OGDH: variants seen among roughly 807,000 people sequenced by gnomAD.
The protein encoded by OGDH is 2-oxoglutarate dehydrogenase complex component E1.
A neutral mutation model predicts 116.6 loss-of-function variants in OGDH; 38 were observed. The observed-to-expected ratio is 0.33, with a 90% CI of 0.25 to 0.43. OGDH has a LOEUF of 0.43. Ranked by LOEUF, OGDH falls within the 20% of genes least tolerant of loss-of-function variation. The pLI is 1.00. For missense variants in OGDH, 825 were observed against 1,357.2 expected (o/e 0.61, Z 6.16); for synonymous variants, 488 against 533.3 (o/e 0.92, Z 1.17).
rs560138337 is a variant in OGDH at position 44,696,608 on chromosome 7, C to T, written c.1900+51C>T. ...GAAATGTTGGGGCCCAGGCCAGGGG[C>T]GACGACTGTCTAGGACTGTGACCTT... is the stretch of plus-strand genomic sequence containing the variant. On this transcript the variant is annotated intron_variant, in intron 14 of 22. Coordinates refer to ENST00000222673, the MANE Select transcript of OGDH (RefSeq NM_002541.4). The T allele has an allele frequency of 2.2e-4, 353 of 1,608,960 alleles. 2 individuals carry two copies. In the Admixed American group the frequency reaches 5.4e-3, roughly 24 times the overall value.
Position 44,694,015 on chromosome 7 carries a change from CTG to C in OGDH, c.1515+12_1515+13del. ...GTGGTTGTCGATTTGGTGAGTGACT[CTG>C]GGGACAGCACGTCCTGGGCAGAGCA... is the stretch of plus-strand genomic sequence containing the variant. On this transcript the variant is annotated intron_variant, in intron 11 of 22. Transcript: ENST00000222673. The surrounding 1 kb of genome is among the most constrained non-coding windows in gnomAD (Gnocchi z 4.2). 6.2e-7 allele frequency: 1 copy of C among 1,607,254 alleles called. No individual in the cohort carries two copies. The highest frequency in any genetic ancestry group is 8.5e-7 in the Non-Finnish European group (1 of 1,174,848).
intron 10 of OGDH, among the ~76,000 whole-genome samples, chr7:44,689,641 T>G (rs2116310013): frequency 6.6e-6 from 1 of 152,238 alleles, no homozygotes; most frequent in African/African-American, 2.4e-5. Context: ...TGGTTTTAAT[T>G]TGCATTTCCC....
At chr7:44,695,961 C>A in intron 12 of OGDH, 64 bp from the exon 13 acceptor site, 2 of 869,056 alleles carry the variant, frequency 2.3e-6, no homozygotes, top group Non-Finnish European at 3.9e-6. Flanking sequence ...TGTGGGGGTA[C>A]AGGTGGGCGT....
At chr7:44,660,938 G>T (rs541981506) in intron 4 of OGDH, among the ~76,000 whole-genome samples, 1 of 150,394 alleles carries the variant, frequency 6.6e-6, no homozygotes, top group African/African-American at 2.5e-5. Context: ...ACACACGCGC[G>T]TGTGCACACA....
chr7:44,645,257 C>T (rs563497976), intron 2 of OGDH, 70 bp from the exon 3 acceptor site: 319 of 1,423,508 alleles, frequency 2.2e-4, no homozygotes, highest in Non-Finnish European at 3.0e-4. Flanking sequence ...GAGAGCAGTT[C>T]TCTGTGGCCA....
intron 9 of OGDH, 21 bp downstream of exon 9, chr7:44,676,170 T>A (rs756028173): frequency 8.7e-6 from 14 of 1,614,002 alleles, no homozygotes; most frequent in Middle Eastern, 3.3e-4. Flanking sequence ...GAGAGAGGCG[T>A]GCAAGGCAGA....
chr7:44,686,208 G>A (rs1309784223), intron 10 of OGDH, among the ~76,000 whole-genome samples: 1 of 152,030 alleles, frequency 6.6e-6, no homozygotes, highest in Non-Finnish European at 1.5e-5. Flanking sequence ...GGATAAAAAC[G>A]GACATCCTTT....
intron 2 of OGDH, among the ~76,000 whole-genome samples, chr7:44,634,968 T>C (rs189322361): frequency 5.3e-5 from 8 of 152,298 alleles, no homozygotes; most frequent in Middle Eastern, 3.4e-3. Flanking sequence ...GTCACACATA[T>C]GGGTTTTAAA....
chr7:44,684,176 C>T (rs1050972126), intron 10 of OGDH, among the ~76,000 whole-genome samples: 1 of 152,108 alleles, frequency 6.6e-6, no homozygotes, highest in Admixed American at 6.5e-5. Flanking sequence ...CGCAGCTCAT[C>T]GTTAGTGCAA....
intron 4 of OGDH, among the ~76,000 whole-genome samples, chr7:44,665,173 G>A (rs778163743): frequency 6.6e-6 from 1 of 151,832 alleles, no homozygotes. Flanking sequence ...CAAGAGCCAC[G>A]TGCTTCACCT....
chr7:44,707,891 G>C lies in OGDH; in HGVS notation c.2964G>C (p.Arg988=), dbSNP rs1463650943. The change falls in exon 23 of 23, where the codon CGG becomes CGC. Residue 988 remains arginine, a synonymous_variant. Transcript: ENST00000222673. The surrounding 1 kb of genome is among the most constrained non-coding windows in gnomAD (Gnocchi z 5.2). The part of the protein sequence containing the change: ...SRAKPVWYAG[R]DPAAAPATGN... Reference sequence around the variant, plus strand: ...CTCCATCTCTCAGGTATGCCGGCCGGGACCCAGCGGCTGCTCCAGCCACCG... The same window carrying C: ...CTCCATCTCTCAGGTATGCCGGCCGCGACCCAGCGGCTGCTCCAGCCACCG... 6.2e-7 allele frequency: 1 copy of C among 1,613,324 alleles called. No individual in the cohort carries two copies. The highest frequency in any genetic ancestry group is 1.3e-5 in the African/African-American group (1 of 74,894).
chr7:44,702,476 G>T (rs1489510480), intron 20 of OGDH, among the ~76,000 whole-genome samples: 2 of 152,216 alleles, frequency 1.3e-5, no homozygotes, highest in African/African-American at 4.8e-5. Context: ...GGGTCACCAG[G>T]CCAGGAAGCC....
chr7:44,649,405 A>G (rs1196320979), intron 4 of OGDH, among the ~76,000 whole-genome samples: 3 of 151,252 alleles, frequency 2.0e-5, no homozygotes, highest in Non-Finnish European at 1.5e-5. Context: ...GCGCACCACC[A>G]CACCCAGCTA....
chr7:44,687,397 C>CA (rs1048742337), intron 10 of OGDH, among the ~76,000 whole-genome samples: 8 of 148,012 alleles, frequency 5.4e-5, no homozygotes, highest in African/African-American at 2.0e-4. Flanking sequence ...CATGGCCAGC[C>CA]AAAAAAAAAG....
At chr7:44,647,419 G>T in intron 3 of OGDH, 1 of 1,499,966 alleles carries the variant, frequency 6.7e-7, no homozygotes, top group South Asian at 1.2e-5. Flanking sequence ...TCTGCTTAAT[G>T]ACTTGCTTGT....
At chr7:44,649,788 A>C (rs1370055619) in intron 4 of OGDH, among the ~76,000 whole-genome samples, 1 of 152,196 alleles carries the variant, frequency 6.6e-6, no homozygotes, top group East Asian at 1.9e-4. Context: ...CCATCTCATT[A>C]GTGGCCGAGG....
chr7:44,685,758 A>T (rs1014538063), intron 10 of OGDH, among the ~76,000 whole-genome samples: 1 of 151,614 alleles, frequency 6.6e-6, no homozygotes, highest in Admixed American at 6.6e-5. Flanking sequence ...AGCTGGAATT[A>T]CAGGTGTGCA....
In OGDH at chr7:44,624,310, T is replaced by TTTTTTTA; in HGVS notation, c.-27-7_-27-6insTTTTTTA. The TTTTTTTA allele has an allele frequency of 2.7e-6, 3 of 1,102,340 alleles. No individual in the cohort carries two copies. The highest frequency in any genetic ancestry group is 3.9e-5 in the South Asian group (2 of 51,012). The allele number at this position is 1,102,340 out of a possible 1,614,324, so 68.3% of individuals were successfully genotyped here. A position where few individuals can be genotyped will look rare whatever the true frequency, so the allele number is the denominator to read the frequency against. On this transcript the variant is annotated splice_region_variant and splice_polypyrimidine_tract_variant and intron_variant, in intron 1 of 22. Coordinates refer to ENST00000222673, the MANE Select transcript of OGDH (RefSeq NM_002541.4). ...TTTCTTGTTTTTTTTTTTTTTTTTTTGTACAGGCAGTTGTGAAAAACTTCA... is the reference window on the plus strand; with the variant it reads ...TTTCTTGTTTTTTTTTTTTTTTTTTTTTTTTTAGTACAGGCAGTTGTGAAAAACTTCA...
rs1491568368 is a variant in OGDH, at chr7:44,616,806, T to TACATATATATACATATATAC, written c.-27-7511_-27-7510insACATATATATACATATATAC. ...ATGCATATATATATGTGTATATATA[T>TACATATATATACATATATAC]GCATATATACGTATATATGTGTATA... On this transcript the variant is annotated intron_variant, in intron 1 of 22. Transcript: ENST00000222673. Among the ~76,000 whole-genome samples, 4 of 80,846 alleles carry TACATATATATACATATATAC rather than the reference T, an allele frequency of 4.9e-5. 1 individual carries two copies. Among genetic ancestry groups the TACATATATATACATATATAC allele is most frequent in the African/African-American group, 1.3e-4 (3 of 23,518 alleles). The allele number at this position is 80,846 out of a possible 152,430, so 53.0% of individuals were successfully genotyped here. A position where few individuals can be genotyped will look rare whatever the true frequency, so the allele number is the denominator to read the frequency against.
Sources: allele counts gnomAD v4.1 joint callset (sites outside exome capture counted in the v4.1 genomes callset), GRCh38; gene constraint gnomAD v4.1.1; non-coding constraint Gnocchi (gnomAD v3.1); transcripts MANE v1.5; gene names NCBI Gene and HGNC (gene_info 2026-07-23, HGNC 2026-07-21).